The following ADGRL3 variants were observed in gnomAD, a reference collection of about 807,000 sequenced individuals.
The protein encoded by ADGRL3 is calcium-independent alpha-latrotoxin receptor 3.
ADGRL3 carries 62 observed loss-of-function variants against 153.5 expected under a neutral mutation model. The ratio of observed to expected loss-of-function variants is 0.40; its 90% confidence interval spans 0.33 to 0.50. The LOEUF (loss-of-function observed/expected upper bound fraction) is 0.50, where lower values mean the gene tolerates loss of function less well. Ranked by LOEUF, ADGRL3 falls within the 20% of genes least tolerant of loss-of-function variation. ADGRL3 has a pLI of 0.47. For missense variants in ADGRL3, 1,641 were observed against 1,859.4 expected, an observed-to-expected ratio of 0.88 and a Z score of 2.16; for synonymous variants, 710 against 672.5, an observed-to-expected ratio of 1.06 and a Z score of -0.86.
chr4:61,283,873 C>T lies in ADGRL3; in HGVS notation c.-240+82108C>T, dbSNP rs1008591205. Among the ~76,000 whole-genome samples, 6 of 152,084 alleles carry T rather than the reference C, an allele frequency of 3.9e-5. No individual in the cohort carries two copies. The South Asian group carries it at 6.2e-4, about 16-fold the overall frequency. ...GCATTTTTGCCCAAATTTGAAAGGGCGCTGCCCAAAGTCCCTATCTCTCTT... is the reference window on the plus strand; with the variant it reads ...GCATTTTTGCCCAAATTTGAAAGGGTGCTGCCCAAAGTCCCTATCTCTCTT... On this transcript the variant is annotated intron_variant, in intron 1 of 26. Transcript: ENST00000683033.
intron 1 of ADGRL3, among the ~76,000 whole-genome samples, chr4:61,347,042 C>T (rs945665506): frequency 6.6e-6 from 1 of 151,974 alleles, no homozygotes; most frequent in African/African-American, 2.4e-5. Context: ...TCTGTGCTCT[C>T]ACTATTAGAG....
intron 2 of ADGRL3, among the ~76,000 whole-genome samples, chr4:61,456,421 ATC>A (rs1420329788): frequency 1.3e-4 from 8 of 59,860 alleles, no homozygotes; most frequent in Admixed American, 1.3e-3. Context: ...ATATAGATAT[ATC>A]TATATCTATA....
chr4:61,850,596 T>C (rs1272822087), intron 9 of ADGRL3, among the ~76,000 whole-genome samples: 1 of 152,190 alleles, frequency 6.6e-6, no homozygotes, highest in East Asian at 1.9e-4. Flanking sequence ...GTATTGTTTA[T>C]GACATATAAA....
At chr4:61,631,076 T>C (rs1258404224) in intron 5 of ADGRL3, among the ~76,000 whole-genome samples, 7 of 152,220 alleles carry the variant, frequency 4.6e-5, no homozygotes, top group African/African-American at 1.7e-4. Flanking sequence ...TTGTGGCAGT[T>C]ACCTTTCACT....
At chr4:61,995,339 CCTT>C (rs1396104865) in intron 19 of ADGRL3, among the ~76,000 whole-genome samples, 2 of 151,664 alleles carry the variant, frequency 1.3e-5, no homozygotes, top group African/African-American at 2.4e-5. Flanking sequence ...TTCTAATTTC[CCTT>C]CTTAATAGAT....
chr4:61,331,670 T>G (rs2150975465), intron 1 of ADGRL3, among the ~76,000 whole-genome samples: 1 of 152,282 alleles, frequency 6.6e-6, no homozygotes, highest in South Asian at 2.1e-4. Context: ...TTGTATTTAG[T>G]TATCTTTAAG....
At chr4:61,386,657 A>C (rs1413643974) in intron 2 of ADGRL3, among the ~76,000 whole-genome samples, 2 of 152,198 alleles carry the variant, frequency 1.3e-5, no homozygotes, top group East Asian at 3.9e-4. Flanking sequence ...CTGTGGTAAA[A>C]ATGGCTGAAA....
At chr4:61,389,829 G>A (rs1578592375) in intron 2 of ADGRL3, among the ~76,000 whole-genome samples, 1 of 152,064 alleles carries the variant, frequency 6.6e-6, no homozygotes, top group African/African-American at 2.4e-5. Context: ...CATAAATGGT[G>A]ACCTTTAGAA....
chr4:61,702,395 G>A (rs935829894), intron 6 of ADGRL3, among the ~76,000 whole-genome samples: 4 of 152,162 alleles, frequency 2.6e-5, no homozygotes, highest in African/African-American at 7.2e-5. Flanking sequence ...GGATTTTTCA[G>A]TAGCTATACA....
chr4:61,215,652 C>G (rs541414136), intron 1 of ADGRL3, among the ~76,000 whole-genome samples: 1 of 149,748 alleles, frequency 6.7e-6, no homozygotes, highest in Non-Finnish European at 1.5e-5. Flanking sequence ...CCCGGGTTCA[C>G]GCCATTCTCC....
At chr4:61,765,265 G>A (rs1393440140) in intron 8 of ADGRL3, among the ~76,000 whole-genome samples, 1 of 151,940 alleles carries the variant, frequency 6.6e-6, no homozygotes, top group Non-Finnish European at 1.5e-5. Context: ...AGGGATGACA[G>A]GTTTTTTGGG....
rs1554045137 is a variant in ADGRL3 at position 61,844,575 on chromosome 4, A to AAAATATAT, written c.1480+30687_1480+30688insAATATATA. The stretch of plus-strand genomic sequence containing the variant: ...AAAAAAAAAAAAAAAAAAAAAAAAA[A>AAAATATAT]ATATATATATATATATATATATTTA... On this transcript the variant is annotated intron_variant, in intron 9 of 26. Coordinates refer to ENST00000683033, the MANE Select transcript of ADGRL3 (RefSeq NM_001387552.1). Among the ~76,000 whole-genome samples, 19 of 18,098 alleles carry AAAATATAT rather than the reference A, an allele frequency of 1.0e-3. 3 individuals are homozygous for AAAATATAT. Among genetic ancestry groups the AAAATATAT allele is most frequent in the Non-Finnish European group, 1.3e-3 (15 of 11,948 alleles). The allele number at this position is 18,098 out of a possible 152,430, so 11.9% of individuals were successfully genotyped here. A position where few individuals can be genotyped will look rare whatever the true frequency, so the allele number is the denominator to read the frequency against.
In ADGRL3 at chr4:61,947,133, G is replaced by A. The variant is rs774014215; in HGVS notation, c.2628+11G>A. On this transcript the variant is annotated intron_variant, in intron 16 of 26. Coordinates refer to ENST00000683033, the MANE Select transcript of ADGRL3 (RefSeq NM_001387552.1). ...GTTAAACATATCAAGGTAAGAAAAT[G>A]GCATATTAGCTTGGTTGTTCATATT... is the stretch of plus-strand genomic sequence containing the variant. 32 of 1,598,116 alleles carry A rather than the reference G, an allele frequency of 2.0e-5. 1 individual carries two copies. In the South Asian group the frequency reaches 3.2e-4, roughly 16 times the overall value.
At chr4:61,765,100 C>T (rs1306933854) in intron 8 of ADGRL3, among the ~76,000 whole-genome samples, 1 of 152,072 alleles carries the variant, frequency 6.6e-6, no homozygotes, top group Non-Finnish European at 1.5e-5. Flanking sequence ...TATGTATTTA[C>T]TTCAAGAGTT....
In ADGRL3 at chr4:61,813,497, A is replaced by T. The variant is rs192589301; in HGVS notation, c.1400-312A>T. ...CAAAAAATAAGGACTTTTGTTTTAT[A>T]TGTCTTTGCTTTGAGTTTTTTTTCT... is the stretch of plus-strand genomic sequence containing the variant. On this transcript the variant is annotated intron_variant, in intron 8 of 26. Transcript: ENST00000683033. Among the ~76,000 whole-genome samples the T allele has an allele frequency of 2.8e-3, 427 of 152,276 alleles. 3 individuals carry two copies. The highest frequency in any genetic ancestry group is 4.8e-3 in the Non-Finnish European group (326 of 68,002).
At chr4:61,696,277 A>C (rs539037707) in intron 6 of ADGRL3, among the ~76,000 whole-genome samples, 1 of 152,286 alleles carries the variant, frequency 6.6e-6, no homozygotes, top group East Asian at 1.9e-4. Context: ...TCCCAAAGTT[A>C]TTGGGAATAT....
At chr4:61,290,507 G>A (rs541921412) in intron 1 of ADGRL3, among the ~76,000 whole-genome samples, 1 of 151,948 alleles carries the variant, frequency 6.6e-6, no homozygotes, top group East Asian at 1.9e-4. Context: ...AGCCAGGTGT[G>A]GTGGCTTATG....
intron 9 of ADGRL3, among the ~76,000 whole-genome samples, chr4:61,824,887 A>G (rs1007615901): frequency 1.3e-5 from 2 of 152,186 alleles, no homozygotes; most frequent in Non-Finnish European, 2.9e-5. Context: ...GCCTGCATTT[A>G]AAGATCTTCT....
At chr4:61,989,680 T>C (rs2099097257) in intron 19 of ADGRL3, among the ~76,000 whole-genome samples, 1 of 152,064 alleles carries the variant, frequency 6.6e-6, no homozygotes. Context: ...AAGTTATCCA[T>C]ACCAGGACTA....
Sources: gnomAD v4.1 joint callset for allele counts (sites outside exome capture counted in the v4.1 genomes callset) on GRCh38, gnomAD v4.1.1 for gene constraint, MANE v1.5 for transcripts, NCBI Gene and HGNC (gene_info 2026-07-23, HGNC 2026-07-21) for gene names.